Variants in TSNARE1 observed in about 807,000 individuals in gnomAD.
TSNARE1 encodes t-SNARE domain containing 1.
TSNARE1 carries 49 observed loss-of-function variants against 62.0 expected under a neutral mutation model. That is an observed-to-expected ratio of 0.79 (90% CI 0.63 to 1.00). The LOEUF is 1.00. Ranked by LOEUF, TSNARE1 falls within the 50% of genes least tolerant of loss-of-function variation. TSNARE1 has a pLI of 0.00. For missense variants in TSNARE1, 755 were observed against 700.1 expected (o/e 1.08, Z -0.88); for synonymous variants, 328 against 294.4 (o/e 1.11, Z -1.17).
At chr8:142,236,440 A>G (rs1817428637) in intron 12 of TSNARE1, among the ~76,000 whole-genome samples, 2 of 151,718 alleles carry the variant, frequency 1.3e-5, no homozygotes, top group African/African-American at 4.8e-5. Context: ...TGCACCAAGT[A>G]TCCGCTGGGC....
intron 12 of TSNARE1, chr8:142,272,838 A>C (rs776120354): frequency 1.1e-4 from 111 of 983,610 alleles, no homozygotes; most frequent in Non-Finnish European, 1.3e-4. Flanking sequence ...GGAACAGGAC[A>C]TTCTATGCAG....
intron 6 of TSNARE1, among the ~76,000 whole-genome samples, chr8:142,322,229 G>C (rs1490441275): frequency 2.6e-5 from 4 of 152,200 alleles, no homozygotes; most frequent in African/African-American, 9.6e-5. Context: ...CTTTAGTTTA[G>C]TTCCTAGTTT....
chr8:142,252,870 C>T (rs1459602801), intron 12 of TSNARE1, among the ~76,000 whole-genome samples: 1 of 152,160 alleles, frequency 6.6e-6, no homozygotes, highest in Non-Finnish European at 1.5e-5. Context: ...CACAATGGGA[C>T]ACTGCTTCCT....
intron 6 of TSNARE1, among the ~76,000 whole-genome samples, chr8:142,325,668 T>C (rs1830109406): frequency 6.6e-6 from 1 of 151,794 alleles, no homozygotes; most frequent in Admixed American, 6.6e-5. Context: ...GGAGAGAAGG[T>C]GGCAGGGCTG....
intron 11 of TSNARE1, among the ~76,000 whole-genome samples, chr8:142,282,082 G>A (rs144441855): frequency 2.6e-5 from 4 of 152,328 alleles, no homozygotes; most frequent in East Asian, 1.9e-4. Flanking sequence ...CCAGAGGAAC[G>A]CAGAGCTGAG....
chr8:142,376,238 T>A (rs568637509), intron 1 of TSNARE1, among the ~76,000 whole-genome samples: 1 of 152,278 alleles, frequency 6.6e-6, no homozygotes, highest in South Asian at 2.1e-4. Context: ...GCAGTGAGAC[T>A]CCACATGTGT....
chr8:142,313,528 TCTGCATGGGTCTGCATGTCTGTTTAC>T (rs1227026890), intron 9 of TSNARE1, among the ~76,000 whole-genome samples: 1 of 152,248 alleles, frequency 6.6e-6, no homozygotes, highest in Non-Finnish European at 1.5e-5. Flanking sequence ...TCTGTGTTTA[TCTGCATGGGTCTGCATGTCTGTTTAC>T]CTGCATGTGT....
At chr8:142,360,174 T>A (rs967006484) in intron 1 of TSNARE1, among the ~76,000 whole-genome samples, 1 of 150,800 alleles carries the variant, frequency 6.6e-6, no homozygotes, top group African/African-American at 2.4e-5. Flanking sequence ...CAGGCCAGCA[T>A]AAGGGGCTGC....
In TSNARE1 at chr8:142,278,007, C is replaced by T. The variant is rs973455990; in HGVS notation, c.1364-3144G>A. 43 of 985,296 alleles carry T rather than the reference C, an allele frequency of 4.4e-5. No individual in the cohort carries two copies. The African/African-American group carries it at 7.5e-4, about 17-fold the overall frequency. 61.0% of individuals were successfully genotyped at this position (985,296 alleles called of 1,614,324 possible). ...CCCTTGGCTGCAAGAATCTGCCCTT[C>T]AGGAGACAATGTGGCCTCAATGGGG... On this transcript the variant is annotated intron_variant, in intron 11 of 13. Transcript: ENST00000524325.
chr8:142,284,394 G>T lies in TSNARE1; in HGVS notation c.1363+19C>A. On this transcript the variant is annotated intron_variant, in intron 11 of 13. Transcript: ENST00000524325. ...GCCCTCGGGGCAGCAGGTGGCCCGA[G>T]GCTGGGGCGGGTACCCACCAACAGC... is the stretch of plus-strand genomic sequence containing the variant. 6.2e-7 allele frequency: 1 copy of T among 1,609,748 alleles called. No individual in the cohort carries two copies. Among genetic ancestry groups the T allele is most frequent in the South Asian group, 1.1e-5 (1 of 91,030 alleles).
At chr8:142,252,889 C>T (rs769107465) in intron 12 of TSNARE1, among the ~76,000 whole-genome samples, 10 of 152,208 alleles carry the variant, frequency 6.6e-5, no homozygotes, top group Admixed American at 2.6e-4. Context: ...CTGGCCACTG[C>T]CCTAGTGGGG....
intron 12 of TSNARE1, chr8:142,274,171 C>G: frequency 8.1e-6 from 8 of 985,408 alleles, no homozygotes; most frequent in Non-Finnish European, 9.6e-6. Flanking sequence ...TGGGGAGCAC[C>G]AGGCCACAAT....
At chr8:142,289,122 T>C (rs7814481) in intron 10 of TSNARE1, among the ~76,000 whole-genome samples, 36,391 of 152,214 alleles carry the variant, frequency 0.24, 4,987 homozygotes, top group African/African-American at 0.37. Flanking sequence ...AGCTGCCAGC[T>C]GGCCCAGCCC....
chr8:142,214,327 C>T (rs750214513), intron 13 of TSNARE1, among the ~76,000 whole-genome samples: 24 of 152,216 alleles, frequency 1.6e-4, no homozygotes, highest in Non-Finnish European at 3.1e-4. Flanking sequence ...CCATGGGGCT[C>T]GGCCTTGGCA....
chr8:142,368,484 C>T (rs1450727979), intron 1 of TSNARE1, among the ~76,000 whole-genome samples: 4 of 152,272 alleles, frequency 2.6e-5, no homozygotes, highest in Admixed American at 1.3e-4. Flanking sequence ...ACAGCTGAAG[C>T]GTCAGGGCCA....
chr8:142,236,024 A>G (rs34643171), intron 12 of TSNARE1, among the ~76,000 whole-genome samples: 81,244 of 152,068 alleles, frequency 0.53, 22,780 homozygotes, highest in African/African-American at 0.69. Flanking sequence ...CAGGCTGTGC[A>G]GGATGCTGGA....
chr8:142,336,620 GGCA>G (rs923013162), intron 4 of TSNARE1, among the ~76,000 whole-genome samples: 1 of 152,150 alleles, frequency 6.6e-6, no homozygotes, highest in Non-Finnish European at 1.5e-5. Flanking sequence ...CACAGTTACA[GGCA>G]GCGCGGTCAG....
intron 10 of TSNARE1, among the ~76,000 whole-genome samples, chr8:142,290,091 C>A (rs1414807229): frequency 6.6e-6 from 1 of 152,222 alleles, no homozygotes; most frequent in African/African-American, 2.4e-5. Flanking sequence ...CACTCCCAGG[C>A]ACACCTAGGA....
At chr8:142,375,880 G>A (rs1037846030) in intron 1 of TSNARE1, among the ~76,000 whole-genome samples, 1 of 152,190 alleles carries the variant, frequency 6.6e-6, no homozygotes, top group Admixed American at 6.5e-5. Flanking sequence ...CCAACTGATA[G>A]AGATGTGTGG....
Sources: allele counts gnomAD v4.1 joint callset (sites outside exome capture counted in the v4.1 genomes callset), GRCh38; gene constraint gnomAD v4.1.1; transcripts MANE v1.5; gene names NCBI Gene and HGNC (gene_info 2026-07-23, HGNC 2026-07-21).